The following NEGR1 variants were observed in gnomAD, a reference collection of about 807,000 sequenced individuals.
NEGR1 encodes neuronal growth regulator 1.
In NEGR1, 10 loss-of-function variants were observed where a neutral mutation model predicts 40.9. The ratio of observed to expected loss-of-function variants is 0.24; its 90% CI spans 0.15 to 0.42. The LOEUF (loss-of-function observed/expected upper bound fraction) is 0.42, where lower values mean the gene tolerates loss of function less well. NEGR1 is among the 10% of genes least tolerant of loss of function. The probability of loss-of-function intolerance (pLI) is 1.00; values close to 1 mark genes in which losing one functional copy is unlikely to be tolerated. For synonymous variants in NEGR1, 185 were observed against 166.8 expected (o/e 1.11, Z -0.84); for missense variants, 352 against 438.9 (o/e 0.80, Z 1.77).
At chr1:72,135,974 A>C (rs949761464) in intron 1 of NEGR1, among the ~76,000 whole-genome samples, 8 of 152,206 alleles carry the variant, frequency 5.3e-5, no homozygotes, top group Non-Finnish European at 1.0e-4. Context: ...TAATGTGCCC[A>C]ACAGACTTTA....
intron 1 of NEGR1, among the ~76,000 whole-genome samples, chr1:71,946,578 T>A (rs1350724636): frequency 1.3e-5 from 2 of 152,158 alleles, no homozygotes; most frequent in Non-Finnish European, 2.9e-5. Context: ...AACGCTACGT[T>A]GCTTTTTCTC....
intron 6 of NEGR1, among the ~76,000 whole-genome samples, chr1:71,415,248 G>T (rs555634438): frequency 1.3e-5 from 2 of 151,454 alleles, no homozygotes; most frequent in African/African-American, 2.4e-5. Flanking sequence ...CTCTATTTTT[G>T]TGTTATAAAT....
intron 2 of NEGR1, among the ~76,000 whole-genome samples, chr1:71,876,174 T>C (rs540696729): frequency 1.3e-5 from 2 of 152,254 alleles, no homozygotes; most frequent in African/African-American, 4.8e-5. Flanking sequence ...CTTGTATATA[T>C]TATAGAATAT....
chr1:71,938,713 A>G (rs1030759145), intron 1 of NEGR1, among the ~76,000 whole-genome samples: 2 of 152,166 alleles, frequency 1.3e-5, no homozygotes, highest in East Asian at 3.9e-4. Context: ...CTACAAATAT[A>G]AATTTGTTGG....
At chr1:71,864,822 A>G (rs1439719905) in intron 2 of NEGR1, among the ~76,000 whole-genome samples, 2 of 152,204 alleles carry the variant, frequency 1.3e-5, no homozygotes, top group African/African-American at 4.8e-5. Flanking sequence ...AAGGACATAA[A>G]TATTATTATT....
intron 1 of NEGR1, among the ~76,000 whole-genome samples, chr1:72,006,375 A>G (rs1003926166): frequency 2.0e-5 from 3 of 152,154 alleles, no homozygotes; most frequent in African/African-American, 7.2e-5. Context: ...CATTCCATGC[A>G]TTTTAAATGG....
intron 6 of NEGR1, among the ~76,000 whole-genome samples, chr1:71,461,283 A>C (rs964050143): frequency 6.6e-6 from 1 of 152,180 alleles, no homozygotes; most frequent in Non-Finnish European, 1.5e-5. Flanking sequence ...TTTCTTTTTA[A>C]AACATCATAC....
At chr1:72,024,374 C>T (rs1297025420) in intron 1 of NEGR1, among the ~76,000 whole-genome samples, 1 of 151,770 alleles carries the variant, frequency 6.6e-6, no homozygotes, top group Non-Finnish European at 1.5e-5. Flanking sequence ...CTATATAAGA[C>T]AGGATCATTA....
At chr1:71,462,877 A>G (rs1646722998) in intron 6 of NEGR1, among the ~76,000 whole-genome samples, 1 of 152,196 alleles carries the variant, frequency 6.6e-6, no homozygotes, top group Admixed American at 6.6e-5. Context: ...TTTTGTGTTT[A>G]TAGTTACATT....
chr1:71,450,122 C>T (rs1646615432), intron 6 of NEGR1, among the ~76,000 whole-genome samples: 1 of 151,844 alleles, frequency 6.6e-6, no homozygotes, highest in Admixed American at 6.6e-5. Flanking sequence ...ACCTGAGTAG[C>T]TGGGATTACA....
chr1:71,625,833 T>C (rs1650756220), intron 4 of NEGR1, among the ~76,000 whole-genome samples: 1 of 151,936 alleles, frequency 6.6e-6, no homozygotes, highest in Non-Finnish European at 1.5e-5. Context: ...TTTTGATGTT[T>C]CACTGTGTAA....
chr1:71,788,120 CG>C (rs1312034013), intron 2 of NEGR1, among the ~76,000 whole-genome samples: 2 of 152,018 alleles, frequency 1.3e-5, no homozygotes, highest in Non-Finnish European at 1.5e-5. Flanking sequence ...TATTTTTTAA[CG>C]TCCATGTTAC....
Position 71,404,327 on chromosome 1 carries a change from T to G in NEGR1, c.*3119A>C, listed in dbSNP as rs1178016459. The stretch of plus-strand genomic sequence containing the variant: ...ATTCTCCCTCTCAAATCTTTTAGTG[T>G]CTCAAAAACACCCACATTACTATAA... On this transcript the variant is annotated 3_prime_UTR_variant, in exon 7 of 7. Coordinates refer to ENST00000357731, the MANE Select transcript of NEGR1 (RefSeq NM_173808.3). 6.6e-6 allele frequency: 1 copy of G among 152,060 alleles called. No individual in the cohort carries two copies. The highest frequency in any genetic ancestry group is 1.9e-4 in the East Asian group (1 of 5,190). 9.4% of individuals were successfully genotyped at this position (152,060 alleles called of 1,614,324 possible).
intron 3 of NEGR1, among the ~76,000 whole-genome samples, chr1:71,770,965 G>C (rs184413119): frequency 1.0e-3 from 155 of 152,198 alleles, no homozygotes; most frequent in Middle Eastern, 3.4e-3. Flanking sequence ...ATACCCAAAG[G>C]ATTATAAATC....
chr1:72,149,473 C>T (rs1651035731), intron 1 of NEGR1, among the ~76,000 whole-genome samples: 1 of 152,192 alleles, frequency 6.6e-6, no homozygotes, highest in Non-Finnish European at 1.5e-5. Context: ...ATGTCATATG[C>T]TATTATACAC....
At chr1:72,002,551 C>G (rs1034686307) in intron 1 of NEGR1, among the ~76,000 whole-genome samples, 38 of 151,802 alleles carry the variant, frequency 2.5e-4, no homozygotes, top group Non-Finnish European at 4.6e-4. Flanking sequence ...CATTAGAGAA[C>G]AGTAAAAGAG....
chr1:71,932,941 T>G (rs1048622658), intron 2 of NEGR1, among the ~76,000 whole-genome samples: 1 of 152,132 alleles, frequency 6.6e-6, no homozygotes, highest in African/African-American at 2.4e-5. Flanking sequence ...TATTAATGTA[T>G]TCCCTGAACT....
chr1:71,746,235 C>G (rs1655378235), intron 3 of NEGR1, among the ~76,000 whole-genome samples: 1 of 152,184 alleles, frequency 6.6e-6, no homozygotes, highest in Non-Finnish European at 1.5e-5. Flanking sequence ...AGAAAACACT[C>G]TTTTCTGCTC....
At chr1:72,228,806 T>C (rs565493389) in intron 1 of NEGR1, among the ~76,000 whole-genome samples, 4 of 152,270 alleles carry the variant, frequency 2.6e-5, no homozygotes, top group African/African-American at 9.6e-5. Context: ...TGTGGCATTT[T>C]AATACAAAGT....
Sources: gnomAD v4.1 joint callset for allele counts (sites outside exome capture counted in the v4.1 genomes callset) on GRCh38, gnomAD v4.1.1 for gene constraint, MANE v1.5 for transcripts, NCBI Gene and HGNC (gene_info 2026-07-23, HGNC 2026-07-21) for gene names.